Variants in SELE observed in about 807,000 individuals in gnomAD.
SELE encodes the protein E-selectin.
Under a neutral mutation model 75.8 loss-of-function variants are expected in SELE, and 52 were observed. The observed-to-expected ratio is 0.69, with a 90% CI of 0.55 to 0.86. SELE has a LOEUF of 0.86. Ranked by LOEUF, SELE falls within the 40% of genes least tolerant of loss-of-function variation. The probability of loss-of-function intolerance (pLI) is 0.00; values close to 1 mark genes in which losing one functional copy is unlikely to be tolerated. For synonymous variants in SELE, 285 were observed against 258.7 expected, an observed-to-expected ratio of 1.10 and a Z score of -0.98; for missense variants, 754 against 732.7, an observed-to-expected ratio of 1.03 and a Z score of -0.34.
Position 169,727,489 on chromosome 1 carries a change from A to C in SELE, c.1505T>G (p.Ile502Ser). ...GGGCTCCCCACTGCAGCTCATGTTG[A>C]TCTTTCCCGGAACTGCCAGGCTTGA... ...KCSSLAVPGK[I>S]NMSCSGEPVF... is the part of the protein sequence containing the mutation. The change falls in exon 10 of 14, where the codon ATC becomes AGC. Residue 502 changes from isoleucine to serine, a missense_variant. Transcript: ENST00000333360. The C allele has an allele frequency of 6.2e-7, 1 of 1,614,096 alleles. No individual in the cohort carries two copies. Among genetic ancestry groups the C allele is most frequent in the Non-Finnish European group, 8.5e-7 (1 of 1,179,996 alleles).
Position 169,728,153 on chromosome 1 carries a change from T to C in SELE, c.1184A>G (p.Glu395Gly). The change falls in exon 8 of 14, where the codon GAG (glutamate) becomes GGG (glycine). Residue 395 changes from glutamate (E) to glycine (G), a missense_variant. Glu to Gly is a moderately conservative substitution (Grantham distance 98, BLOSUM62 -2). Coordinates refer to ENST00000333360, the MANE Select transcript of SELE (RefSeq NM_000450.2). ...SGSFRYGSSC[E>G]FSCEQGFVLK... is the part of the protein sequence containing the mutation. The stretch of plus-strand genomic sequence containing the variant: ...CACAAAACCCTGCTCACAGGAGAAC[T>C]CACAGCTGGACCCATAACGGAAACT... 6.2e-7 allele frequency: 1 copy of C among 1,614,206 alleles called. No homozygotes were observed.
At position 169,723,463 on chromosome 1, in the gene SELE, A is replaced by G. The variant is rs1048828664; in HGVS notation, c.*1062T>C. 1.3e-5 allele frequency: 2 copies of G among 152,212 alleles called. No individual in the cohort carries two copies. Among genetic ancestry groups the G allele is most frequent in the African/African-American group, 4.8e-5 (2 of 41,462 alleles). The allele number at this position is 152,212 out of a possible 1,614,324, so 9.4% of individuals were successfully genotyped here. ...CCAACAAAGACATTCATAAAATTATACCTTTGTGTGTTTGCATTTATGCTT... is the reference window on the plus strand; with the variant it reads ...CCAACAAAGACATTCATAAAATTATGCCTTTGTGTGTTTGCATTTATGCTT... On this transcript the variant is annotated 3_prime_UTR_variant, in exon 14 of 14. Transcript: ENST00000333360.
At chr1:169,724,943 A>G (rs1454677307) in intron 13 of SELE, among the ~76,000 whole-genome samples, 1 of 152,230 alleles carries the variant, frequency 6.6e-6, no homozygotes. Context: ...ACCTTTCCAA[A>G]TTCTCTCAAA....
At chr1:169,732,190 C>T (rs1205521207) in intron 3 of SELE, among the ~76,000 whole-genome samples, 1 of 152,052 alleles carries the variant, frequency 6.6e-6, no homozygotes, top group Non-Finnish European at 1.5e-5. Context: ...ACTCTGAAGA[C>T]AGTTCCCCTA....
At chr1:169,727,622 G>A (rs771445221) in intron 9 of SELE, 97 bp from the exon 10 acceptor site, 15 of 1,535,326 alleles carry the variant, frequency 9.8e-6, no homozygotes, top group African/African-American at 2.7e-5. Context: ...AAGTGTAAGC[G>A]CTACTTAGTT....
At chr1:169,725,076 T>G (rs1414220942) in intron 13 of SELE, among the ~76,000 whole-genome samples, 1 of 152,168 alleles carries the variant, frequency 6.6e-6, no homozygotes, top group African/African-American at 2.4e-5. Flanking sequence ...TCTCATTTTC[T>G]TCATCTGTGT....
Position 169,731,825 on chromosome 1 carries a change from C to T in SELE, c.529+10G>A, listed in dbSNP as rs1648918180. 6.3e-7 allele frequency: 1 copy of T among 1,591,990 alleles called. No individual in the cohort carries two copies. Among genetic ancestry groups the T allele is most frequent in the African/African-American group, 1.3e-5 (1 of 74,376 alleles). Reference sequence around the variant, plus strand: ...TCTCAAGTGAAGAAAGAGGCAAGAACCAGACTTACTTTGCTCACACTTGAG... The same window carrying T: ...TCTCAAGTGAAGAAAGAGGCAAGAATCAGACTTACTTTGCTCACACTTGAG... On this transcript the variant is annotated intron_variant, in intron 4 of 13. Transcript: ENST00000333360.
rs781608172 is a variant in SELE at position 169,730,630 on chromosome 1, C to T, written c.530-13G>A. 19 of 1,573,480 alleles carry T rather than the reference C, an allele frequency of 1.2e-5. No individual in the cohort carries two copies. The South Asian group carries it at 1.8e-4, about 15-fold the overall frequency. ...GTACAGTTCACAACTGAAAAAGAAACCCAAATCAGTTCTGCTCATCTCTCA... is the reference window on the plus strand; with the variant it reads ...GTACAGTTCACAACTGAAAAAGAAATCCAAATCAGTTCTGCTCATCTCTCA... On this transcript the variant is annotated splice_polypyrimidine_tract_variant and intron_variant, in intron 4 of 13. Transcript: ENST00000333360.
intron 8 of SELE, 65 bp downstream of exon 8, chr1:169,727,993 A>G (rs1164760766): frequency 6.3e-7 from 1 of 1,586,936 alleles, no homozygotes; most frequent in African/African-American, 1.4e-5. Flanking sequence ...TCCCAAGGTA[A>G]CCAAGTTCCC....
At position 169,732,870 on chromosome 1, in the gene SELE, T is replaced by C. The variant is rs2101994087; in HGVS notation, c.166A>G (p.Ile56Val). Residue 56 changes from isoleucine (I) to valine (V), a missense_variant, in exon 3 of 14, where the codon ATT becomes GTT. Physicochemically the swap from Ile to Val is conservative, Grantham distance 29. Coordinates refer to ENST00000333360, the MANE Select transcript of SELE (RefSeq NM_000450.2). ...CTCAATATGGAGTTTAGGTACTCAA[T>C]CTCTTCTTTGTTTTGAATTGCAACC... ...HLVAIQNKEE[I>V]EYLNSILSYS... is the part of the protein sequence containing the mutation. 2 of 1,614,182 alleles carry C rather than the reference T, an allele frequency of 1.2e-6. No individual in the cohort carries two copies. The highest frequency in any genetic ancestry group is 1.7e-6 in the Non-Finnish European group (2 of 1,180,026).
chr1:169,732,894 C>T lies in SELE; in HGVS notation c.142G>A (p.Val48Ile), dbSNP rs1471659313. The change falls in exon 3 of 14, where the codon GTT becomes ATT. Residue 48 changes from valine (V) to isoleucine (I), a missense_variant. Val to Ile is a conservative substitution (Grantham distance 29). Coordinates refer to ENST00000333360, the MANE Select transcript of SELE (RefSeq NM_000450.2). Reference protein sequence around the residue: ...AYCQQRYTHLVAIQNKEEIEY... With the variant: ...AYCQQRYTHLIAIQNKEEIEY... Reference sequence around the variant, plus strand: ...ATCTCTTCTTTGTTTTGAATTGCAACCAGGTGTGTGTACCTTTGCTGACAA... The same window carrying T: ...ATCTCTTCTTTGTTTTGAATTGCAATCAGGTGTGTGTACCTTTGCTGACAA... 2 of 1,614,034 alleles carry T rather than the reference C, an allele frequency of 1.2e-6. No individual in the cohort carries two copies. The highest frequency in any genetic ancestry group is 1.3e-5 in the African/African-American group (1 of 74,912).
intron 5 of SELE, 138 bp from the exon 6 acceptor site, chr1:169,729,811 G>A: frequency 1.5e-6 from 1 of 682,468 alleles, no homozygotes. Flanking sequence ...TTAGGGACAT[G>A]CACAGCCAGA....
At position 169,727,464 on chromosome 1, in the gene SELE, G is replaced by A. The variant is rs267598159; in HGVS notation, c.1530C>T (p.Pro510=). The A allele has an allele frequency of 1.1e-5, 18 of 1,613,932 alleles. No individual in the cohort carries two copies. In the East Asian group the frequency reaches 2.5e-4, roughly 22 times the overall value. Residue 510 remains proline (P), a synonymous_variant, in exon 10 of 14, where the codon CCC becomes CCT. Coordinates refer to ENST00000333360, the MANE Select transcript of SELE (RefSeq NM_000450.2). ...CGAACTTGCACACAGTGCCAAACAC[G>A]GGCTCCCCACTGCAGCTCATGTTGA... ...GKINMSCSGE[P]VFGTVCKFAC...
chr1:169,726,021 T>A (rs755991053), intron 11 of SELE, 93 bp from the exon 12 acceptor site: 17 of 1,427,860 alleles, frequency 1.2e-5, no homozygotes, highest in Non-Finnish European at 1.6e-5. Flanking sequence ...ATTCATCAAG[T>A]GTTGCAAACT....
At chr1:169,725,620 C>A in intron 13 of SELE, 109 bp downstream of exon 13, 1 of 811,610 alleles carries the variant, frequency 1.2e-6, no homozygotes, top group South Asian at 1.7e-5. Flanking sequence ...GTGATGATTT[C>A]TCCCCTGCTC....
chr1:169,722,933 A>C lies in SELE; in HGVS notation c.*1592T>G, dbSNP rs1648660895. 1 of 152,182 alleles carries C rather than the reference A, an allele frequency of 6.6e-6. No individual in the cohort carries two copies. The highest frequency in any genetic ancestry group is 1.5e-5 in the Non-Finnish European group (1 of 68,028). The allele number at this position is 152,182 out of a possible 1,614,324, so 9.4% of individuals were successfully genotyped here. A position where few individuals can be genotyped will look rare whatever the true frequency, so the allele number is the denominator to read the frequency against. On this transcript the variant is annotated 3_prime_UTR_variant, in exon 14 of 14. Transcript: ENST00000333360. ...TTTCCCAGAGTTTTTCTGCCCCTTT[A>C]AAAGAACCTCTGCTGTTCTGATCCT...
chr1:169,730,357 T>C, intron 5 of SELE, 75 bp downstream of exon 5: 1 of 1,296,876 alleles, frequency 7.7e-7, no homozygotes, highest in Non-Finnish European at 1.0e-6. Context: ...GTTTTGAAAA[T>C]GTAAGTTGAA....
At chr1:169,733,275 T>C (rs1398457254) in intron 2 of SELE, among the ~76,000 whole-genome samples, 1 of 152,228 alleles carries the variant, frequency 6.6e-6, no homozygotes, top group African/African-American at 2.4e-5. Context: ...CTAAGCTTTA[T>C]TGAGCACTTA....
At chr1:169,726,530 C>T (rs185484649) in intron 11 of SELE, among the ~76,000 whole-genome samples, 169 bp downstream of exon 11, 123 of 152,268 alleles carry the variant, frequency 8.1e-4, no homozygotes, top group African/African-American at 2.8e-3. Context: ...AAACACTTCC[C>T]ACACTGAGTT....
Sources: gnomAD v4.1 joint callset for allele counts (sites outside exome capture counted in the v4.1 genomes callset) on GRCh38, gnomAD v4.1.1 for gene constraint, MANE v1.5 for transcripts, NCBI Gene and HGNC (gene_info 2026-07-23, HGNC 2026-07-21) for gene names.